Variants in PCDHA4 observed in about 807,000 individuals in gnomAD.
PCDHA4 encodes the protein protocadherin alpha-4.
In PCDHA4, 49 loss-of-function variants were observed where a neutral mutation model predicts 61.4. The observed-to-expected ratio is 0.80, with a 90% CI of 0.63 to 1.01. The LOEUF (loss-of-function observed/expected upper bound fraction) is 1.01. Ranked by LOEUF, PCDHA4 falls within the 50% of genes least tolerant of loss-of-function variation. The probability of loss-of-function intolerance (pLI) is 0.00; values close to 1 mark genes in which losing one functional copy is unlikely to be tolerated. For missense variants in PCDHA4, 1,254 were observed against 1,235.8 expected (o/e 1.01, Z -0.22); for synonymous variants, 590 against 550.3 (o/e 1.07, Z -1.01).
rs782811341 is a variant in PCDHA4, at chr5:140,807,534, T to C, written c.347T>C (p.Val116Ala). Residue 116 changes from valine (V) to alanine (A), a missense_variant, in exon 1 of 4, where the codon GTT becomes GCT. Physicochemically the swap from Val to Ala is moderately conservative, Grantham distance 64. Transcript: ENST00000530339. ...GTGATCGTAGACAGGCCGCTGCAGG[T>C]TTTCCATGTGGACGTGGAGGTGAGG... ...LEVIVDRPLQ[V>A]FHVDVEVRDI... 6.9e-5 allele frequency: 112 copies of C among 1,614,006 alleles called. No individual in the cohort carries two copies. The highest frequency in any genetic ancestry group is 6.6e-4 in the Middle Eastern group (4 of 6,060).
chr5:140,969,408 T>C (rs2096327357), intron 1 of PCDHA4: 6 of 1,573,824 alleles, frequency 3.8e-6, no homozygotes, highest in Non-Finnish European at 5.2e-6. Flanking sequence ...GATTTGGCTT[T>C]ATTGAGTCAT....
At chr5:140,986,213 C>T (rs1554247816) in intron 3 of PCDHA4, among the ~76,000 whole-genome samples, 2 of 152,208 alleles carry the variant, frequency 1.3e-5, no homozygotes, top group Non-Finnish European at 2.9e-5. Context: ...TTACTGGCCC[C>T]TTTCTCTAGC....
chr5:140,856,174 C>T, intron 1 of PCDHA4: 1 of 1,598,296 alleles, frequency 6.3e-7, no homozygotes, highest in Non-Finnish European at 8.6e-7. Flanking sequence ...GACACGGCAC[C>T]TTCGTGGGCC....
chr5:140,955,696 A>G (rs373393526), intron 1 of PCDHA4, among the ~76,000 whole-genome samples: 6 of 152,184 alleles, frequency 3.9e-5, no homozygotes, highest in East Asian at 1.9e-4. Flanking sequence ...GATGAATGTC[A>G]ATGGAAGTTT....
At chr5:140,834,306 T>G in intron 1 of PCDHA4, 1 of 1,335,582 alleles carries the variant, frequency 7.5e-7, no homozygotes, top group Non-Finnish European at 1.0e-6. Context: ...ACATCGAGAT[T>G]GAAATGAAGG....
chr5:140,898,284 T>C (rs2066636432), intron 1 of PCDHA4, among the ~76,000 whole-genome samples: 1 of 152,254 alleles, frequency 6.6e-6, no homozygotes, highest in South Asian at 2.1e-4. Flanking sequence ...TTCTGAATGG[T>C]AATGCCTAGG....
At chr5:140,870,938 C>T in intron 1 of PCDHA4, 5 of 1,613,724 alleles carry the variant, frequency 3.1e-6, no homozygotes, top group East Asian at 2.2e-5. Flanking sequence ...GAATTGCAGC[C>T]GGCGGCGGGC....
intron 3 of PCDHA4, among the ~76,000 whole-genome samples, chr5:140,994,778 G>A (rs1488910527): frequency 1.3e-5 from 2 of 152,152 alleles, no homozygotes; most frequent in Non-Finnish European, 2.9e-5. Flanking sequence ...TCCAGGCAAA[G>A]GAAACAATGC....
intron 1 of PCDHA4, chr5:140,857,282 C>T: frequency 6.3e-7 from 1 of 1,598,744 alleles, no homozygotes; most frequent in Non-Finnish European, 8.6e-7. Flanking sequence ...GGACAGCGCT[C>T]TGGACCGCGA....
At chr5:140,914,297 G>A (rs1371976850) in intron 1 of PCDHA4, among the ~76,000 whole-genome samples, 2 of 152,056 alleles carry the variant, frequency 1.3e-5, no homozygotes, top group African/African-American at 4.8e-5. Flanking sequence ...ATATCCTCTT[G>A]CTGAATTGAC....
intron 1 of PCDHA4, among the ~76,000 whole-genome samples, chr5:140,904,695 G>A (rs1276696069): frequency 2.0e-5 from 3 of 152,024 alleles, no homozygotes; most frequent in Admixed American, 2.0e-4. Flanking sequence ...GTGTAAAATT[G>A]TTCCCTTTTC....
intron 1 of PCDHA4, among the ~76,000 whole-genome samples, chr5:140,955,667 T>C (rs1485421057): frequency 6.6e-6 from 1 of 152,188 alleles, no homozygotes; most frequent in Admixed American, 6.5e-5. Flanking sequence ...AATTTTAACA[T>C]AGTTTTTTCG....
intron 1 of PCDHA4, chr5:140,821,759 AT>A (rs2150110485): frequency 6.3e-7 from 1 of 1,588,004 alleles, no homozygotes; most frequent in Non-Finnish European, 8.6e-7. Flanking sequence ...AAAGCTCATA[AT>A]TGGAACGAGA....
intron 3 of PCDHA4, among the ~76,000 whole-genome samples, chr5:140,993,629 T>G (rs1359195159): frequency 5.9e-5 from 9 of 152,160 alleles, no homozygotes; most frequent in Non-Finnish European, 1.0e-4. Flanking sequence ...CTATATATAG[T>G]CGTGTACCAA....
chr5:140,865,396 A>G (rs1280770279), intron 1 of PCDHA4: 1 of 152,234 alleles, frequency 6.6e-6, no homozygotes, highest in Non-Finnish European at 1.5e-5. Context: ...GTTAATATAA[A>G]TGCTGAAAAG....
chr5:140,855,938 T>G, intron 1 of PCDHA4: 1 of 1,308,620 alleles, frequency 7.6e-7, no homozygotes, highest in South Asian at 1.5e-5. Context: ...CATTCTGAGA[T>G]CTCAGCCATT....
intron 1 of PCDHA4, chr5:140,828,167 G>T (rs2150151697): frequency 2.5e-6 from 4 of 1,614,056 alleles, no homozygotes; most frequent in Non-Finnish European, 3.4e-6. Context: ...AGCCTGGAAG[G>T]TGGGGAGCGG....
At chr5:140,929,457 G>A (rs975305297) in intron 1 of PCDHA4, 25 of 1,362,276 alleles carry the variant, frequency 1.8e-5, no homozygotes, top group Non-Finnish European at 2.4e-5. Flanking sequence ...AGCACTTCCT[G>A]TGCCAAGAAA....
rs782651384 is a variant in PCDHA4 at position 140,835,888 on chromosome 5, G to A, written c.2385+26316G>A. On this transcript the variant is annotated intron_variant, in intron 1 of 3. Coordinates refer to ENST00000530339, the MANE Select transcript of PCDHA4 (RefSeq NM_018907.4). ...CTGGTGGAGCTGCGGGTGGGCGAGC[G>A]CGCGCTGTCGAGCTACGTGTCAGTG... is the stretch of plus-strand genomic sequence containing the variant. 1.2e-6 allele frequency: 2 copies of A among 1,611,826 alleles called. 1 individual carries two copies. Among genetic ancestry groups the A allele is most frequent in the Non-Finnish European group, 1.7e-6 (2 of 1,179,634 alleles).
Sources: allele counts gnomAD v4.1 joint callset (sites outside exome capture counted in the v4.1 genomes callset), GRCh38; gene constraint gnomAD v4.1.1; transcripts MANE v1.5; gene names NCBI Gene and HGNC (gene_info 2026-07-23, HGNC 2026-07-21).